Variants in IGSF21 observed in about 807,000 individuals in gnomAD.
The protein encoded by IGSF21 is immunoglobin superfamily member 21.
A neutral mutation model predicts 46.8 loss-of-function variants in IGSF21; 28 were observed. The observed-to-expected ratio is 0.60, with a 90% confidence interval of 0.44 to 0.82. The LOEUF is 0.82. IGSF21 is among the 40% of genes least tolerant of loss of function. The pLI, the probability that IGSF21 is intolerant of heterozygous loss-of-function variation, is 0.00. For synonymous variants in IGSF21, 284 were observed against 273.6 expected (o/e 1.04, Z -0.38); for missense variants, 624 against 665.5 (o/e 0.94, Z 0.69).
At chr1:18,113,545 TG>T (rs2086161494) in intron 1 of IGSF21, 1 of 152,078 alleles carries the variant, frequency 6.6e-6, no homozygotes, top group Non-Finnish European at 1.5e-5. Flanking sequence ...CACCAGCCTT[TG>T]TTACATCTTC....
At chr1:18,187,877 G>A (rs536694330) in intron 1 of IGSF21, among the ~76,000 whole-genome samples, 7 of 152,326 alleles carry the variant, frequency 4.6e-5, no homozygotes, top group African/African-American at 1.7e-4. Flanking sequence ...GTCCTTGGTA[G>A]TAAGCGGACA....
intron 1 of IGSF21, among the ~76,000 whole-genome samples, chr1:18,202,879 G>A (rs762304921): frequency 1.3e-5 from 2 of 152,206 alleles, no homozygotes; most frequent in African/African-American, 4.8e-5. Flanking sequence ...TCCAGAGAAG[G>A]CACAGACTAT....
intron 2 of IGSF21, among the ~76,000 whole-genome samples, chr1:18,287,175 C>A: frequency 2.6e-5 from 2 of 75,654 alleles, no homozygotes; most frequent in Non-Finnish European, 3.1e-5. Context: ...AGCGAGACTC[C>A]GTCTCAAAAA....
At chr1:18,139,006 C>T (rs1319448997) in intron 1 of IGSF21, among the ~76,000 whole-genome samples, 1 of 152,136 alleles carries the variant, frequency 6.6e-6, no homozygotes, top group Non-Finnish European at 1.5e-5. Context: ...TTGGTCGTGG[C>T]TTTGCCGTTA....
intron 6 of IGSF21, among the ~76,000 whole-genome samples, chr1:18,366,685 A>G (rs115656447): frequency 0.013 from 1,949 of 152,288 alleles, 37 homozygotes; most frequent in African/African-American, 0.044. Context: ...ACTTTTAAGT[A>G]CAATGAAAAC....
At chr1:18,260,462 CCGCTG>C (rs2084936430) in intron 2 of IGSF21, among the ~76,000 whole-genome samples, 1 of 152,240 alleles carries the variant, frequency 6.6e-6, no homozygotes, top group Admixed American at 6.5e-5. Flanking sequence ...TGCGCAGCAG[CCGCTG>C]AGGGAATGCT....
intron 5 of IGSF21, among the ~76,000 whole-genome samples, chr1:18,364,008 T>G (rs894689960): frequency 6.6e-6 from 1 of 152,162 alleles, no homozygotes; most frequent in African/African-American, 2.4e-5. Flanking sequence ...AAGCTGTTTT[T>G]TTCTCACAGA....
At chr1:18,304,417 G>T (rs2085391422) in intron 3 of IGSF21, among the ~76,000 whole-genome samples, 1 of 152,128 alleles carries the variant, frequency 6.6e-6, no homozygotes, top group African/African-American at 2.4e-5. Context: ...CCAGACTCGG[G>T]ACAGATCTGC....
rs1450581271 is a variant in IGSF21 at position 18,107,907 on chromosome 1, C to T, written c.-222C>T. ...CGGCGAGCCCCGAGGACGCCCAGAG[C>T]GCGAGGGTCGCTGCGCCTCGCAGAG... On this transcript the variant is annotated 5_prime_UTR_variant, in exon 1 of 10. Transcript: ENST00000251296. The T allele has an allele frequency of 5.6e-6, 1 of 177,820 alleles. No homozygotes were observed. The highest frequency in any genetic ancestry group is 1.2e-5 in the Non-Finnish European group (1 of 85,874). 11.0% of individuals were successfully genotyped at this position (177,820 alleles called of 1,614,324 possible). A position where few individuals can be genotyped will look rare whatever the true frequency, so the allele number is the denominator to read the frequency against.
chr1:18,239,118 A>G (rs896704452), intron 2 of IGSF21, among the ~76,000 whole-genome samples: 1 of 152,186 alleles, frequency 6.6e-6, no homozygotes, highest in Non-Finnish European at 1.5e-5. Context: ...CCGGAAGTAT[A>G]TTAAGCCCAA....
intron 1 of IGSF21, among the ~76,000 whole-genome samples, chr1:18,202,722 A>G (rs2087088593): frequency 1.3e-5 from 2 of 152,196 alleles, no homozygotes; most frequent in African/African-American, 4.8e-5. Flanking sequence ...CCTTCCCTTG[A>G]TACGTGGGGA....
chr1:18,246,190 C>T (rs1167029432), intron 2 of IGSF21, among the ~76,000 whole-genome samples: 1 of 152,096 alleles, frequency 6.6e-6, no homozygotes, highest in Non-Finnish European at 1.5e-5. Flanking sequence ...CCATCCCAGG[C>T]CCTCCCTGAG....
At chr1:18,359,383 A>AAAGAATGGAAGGAAGGAAGG (rs1557659626) in intron 4 of IGSF21, among the ~76,000 whole-genome samples, 13 of 61,106 alleles carry the variant, frequency 2.1e-4, no homozygotes, top group African/African-American at 8.0e-4. Context: ...AGAAAGAAAG[A>AAAGAATGGAAGGAAGGAAGG]AAGGAAGGAA....
In IGSF21 at chr1:18,230,903, T is replaced by G. The variant is rs1345640172; in HGVS notation, c.183+2893T>G. 3.3e-5 allele frequency among the ~76,000 whole-genome samples: 5 copies of G among 151,574 alleles called. No individual in the cohort carries two copies. In the South Asian group the frequency reaches 6.3e-4, roughly 19 times the overall value. The stretch of plus-strand genomic sequence containing the variant: ...AGACGAACCCCCCACTGTGGCTTCC[T>G]TCCCCATCTCCCTCTCCCCGCAGCC... On this transcript the variant is annotated intron_variant, in intron 2 of 9. Coordinates refer to ENST00000251296, the MANE Select transcript of IGSF21 (RefSeq NM_032880.5).
chr1:18,283,196 C>T lies in IGSF21; in HGVS notation c.184-8670C>T, dbSNP rs1020389443. Among the ~76,000 whole-genome samples the T allele has an allele frequency of 7.9e-5, 12 of 152,292 alleles. 1 individual carries two copies. In the South Asian group the frequency reaches 8.3e-4, roughly 11 times the overall value. On this transcript the variant is annotated intron_variant, in intron 2 of 9. Transcript: ENST00000251296. ...CTGCTGTCTGCCATCGCACGGTAAC[C>T]GGATGAGACAGGCAATTTATGACAC...
At position 18,227,974 on chromosome 1, in the gene IGSF21, G is replaced by A; in HGVS notation, c.147G>A (p.Lys49=). The A allele has an allele frequency of 3.1e-6, 5 of 1,613,964 alleles. No homozygotes were observed. Among genetic ancestry groups the A allele is most frequent in the Non-Finnish European group, 4.2e-6 (5 of 1,179,850 alleles). Residue 49 remains lysine, a synonymous_variant, in exon 2 of 10, where the codon AAG becomes AAA. Coordinates refer to ENST00000251296, the MANE Select transcript of IGSF21 (RefSeq NM_032880.5). The part of the protein sequence containing the change: ...GDAVTLKCNF[K]TDGRMREIVW... ...CCGTGACTTTGAAGTGTAACTTCAA[G>A]ACAGATGGGCGCATGCGGGAGATCG...
intron 2 of IGSF21, among the ~76,000 whole-genome samples, chr1:18,259,980 A>G (rs895567923): frequency 1.3e-5 from 2 of 152,228 alleles, no homozygotes; most frequent in African/African-American, 2.4e-5. Context: ...GGCATTTGTC[A>G]TGTCCCTTCA....
At chr1:18,243,935 C>T (rs1417403029) in intron 2 of IGSF21, among the ~76,000 whole-genome samples, 1 of 152,218 alleles carries the variant, frequency 6.6e-6, no homozygotes, top group East Asian at 1.9e-4. Flanking sequence ...CCCCATTCTC[C>T]ATATCTGTGT....
At chr1:18,298,283 C>T (rs569951412) in intron 3 of IGSF21, among the ~76,000 whole-genome samples, 12 of 152,232 alleles carry the variant, frequency 7.9e-5, no homozygotes, top group East Asian at 7.7e-4. Flanking sequence ...TGCCAGGGAA[C>T]GAAGACAAAG....
Sources: gnomAD v4.1 joint callset for allele counts (sites outside exome capture counted in the v4.1 genomes callset) on GRCh38, gnomAD v4.1.1 for gene constraint, MANE v1.5 for transcripts, NCBI Gene and HGNC (gene_info 2026-07-23, HGNC 2026-07-21) for gene names.